CDH10: variants seen among roughly 807,000 people sequenced by gnomAD.
CDH10 encodes cadherin 10.
Under a neutral mutation model 73.1 loss-of-function variants are expected in CDH10, and 30 were observed. That is an observed-to-expected ratio of 0.41 (90% CI 0.31 to 0.56). The LOEUF (loss-of-function observed/expected upper bound fraction) is 0.56. Among genes scored for constraint, CDH10 ranks in the 20% least tolerant of loss-of-function variants. The pLI, the probability that CDH10 is intolerant of heterozygous loss-of-function variation, is 0.27. For missense variants in CDH10, 815 were observed against 973.7 expected, an observed-to-expected ratio of 0.84 and a Z score of 2.17; for synonymous variants, 345 against 348.2, an observed-to-expected ratio of 0.99 and a Z score of 0.10.
At chr5:24,508,210 T>C (rs1385570936) in intron 7 of CDH10, among the ~76,000 whole-genome samples, 4 of 152,174 alleles carry the variant, frequency 2.6e-5, no homozygotes, top group Non-Finnish European at 5.9e-5. Flanking sequence ...AATGGACTAA[T>C]GGATTATAGT....
chr5:24,633,801 A>G (rs1292040742), intron 1 of CDH10, among the ~76,000 whole-genome samples: 1 of 151,882 alleles, frequency 6.6e-6, no homozygotes, highest in Non-Finnish European at 1.5e-5. Flanking sequence ...TCATCTTATA[A>G]CCCTTAATGT....
intron 2 of CDH10, among the ~76,000 whole-genome samples, chr5:24,571,881 T>C (rs1475738434): frequency 1.3e-5 from 2 of 151,662 alleles, no homozygotes; most frequent in East Asian, 3.9e-4. Flanking sequence ...TCCTAAAAAA[T>C]TAACAATAGG....
chr5:24,530,493 A>G (rs537409813), intron 5 of CDH10, among the ~76,000 whole-genome samples: 13 of 152,112 alleles, frequency 8.5e-5, no homozygotes, highest in Admixed American at 7.2e-4. Flanking sequence ...GAAAAGGGGT[A>G]AACAGGACTA....
intron 5 of CDH10, among the ~76,000 whole-genome samples, chr5:24,523,204 C>A (rs1976520): frequency 0.49 from 74,981 of 151,700 alleles, 18,623 homozygotes; most frequent in East Asian, 0.58. Flanking sequence ...AATGTATAAA[C>A]ATATCTCAAC....
At chr5:24,620,919 A>G (rs1747295402) in intron 1 of CDH10, among the ~76,000 whole-genome samples, 1 of 152,216 alleles carries the variant, frequency 6.6e-6, no homozygotes, top group Non-Finnish European at 1.5e-5. Context: ...AGGTTTATGG[A>G]AAACTCTTTT....
chr5:24,533,290 G>A (rs1743815412), intron 5 of CDH10, among the ~76,000 whole-genome samples: 1 of 151,614 alleles, frequency 6.6e-6, no homozygotes, highest in Non-Finnish European at 1.5e-5. Flanking sequence ...TCACACCACT[G>A]CACTCCAGCC....
chr5:24,629,497 A>G (rs1179718455), intron 1 of CDH10, among the ~76,000 whole-genome samples: 3 of 152,006 alleles, frequency 2.0e-5, no homozygotes, highest in Non-Finnish European at 4.4e-5. Context: ...CTCCTCTTAA[A>G]AAGATAATTG....
chr5:24,554,873 G>C (rs533985667), intron 2 of CDH10, among the ~76,000 whole-genome samples: 5 of 151,952 alleles, frequency 3.3e-5, no homozygotes, highest in African/African-American at 1.2e-4. Flanking sequence ...CCAACATTAT[G>C]TCTTTGAAAA....
intron 1 of CDH10, among the ~76,000 whole-genome samples, chr5:24,601,167 T>A (rs1746549638): frequency 1.3e-5 from 2 of 152,116 alleles, no homozygotes; most frequent in African/African-American, 4.8e-5. Flanking sequence ...CTCAGCTGGG[T>A]GCCTACTGGG....
At chr5:24,560,062 T>C (rs1041305026) in intron 2 of CDH10, among the ~76,000 whole-genome samples, 9 of 152,180 alleles carry the variant, frequency 5.9e-5, no homozygotes, top group African/African-American at 2.2e-4. Flanking sequence ...CCTTTAACTT[T>C]TTAATTTAAC....
At chr5:24,531,479 A>T (rs1743747242) in intron 5 of CDH10, among the ~76,000 whole-genome samples, 1 of 152,156 alleles carries the variant, frequency 6.6e-6, no homozygotes, top group Admixed American at 6.6e-5. Context: ...TAATTTATAA[A>T]GGAAAGACGT....
intron 2 of CDH10, among the ~76,000 whole-genome samples, chr5:24,538,449 A>T (rs111476979): frequency 6.6e-5 from 10 of 152,088 alleles, no homozygotes; most frequent in Non-Finnish European, 1.2e-4. Context: ...TAACATAACC[A>T]CACTGAAGCT....
intron 1 of CDH10, among the ~76,000 whole-genome samples, chr5:24,638,943 T>C (rs1747954296): frequency 6.6e-6 from 1 of 151,680 alleles, no homozygotes; most frequent in Non-Finnish European, 1.5e-5. Flanking sequence ...TTTGATCTTA[T>C]TAGCAATAGA....
intron 5 of CDH10, 56 bp downstream of exon 5, chr5:24,535,056 G>C (rs1255428744): frequency 7.1e-6 from 10 of 1,406,682 alleles, no homozygotes; most frequent in Non-Finnish European, 9.6e-6. Context: ...TTCTTTGTCT[G>C]TCTTTTTTTA....
At chr5:24,584,437 T>C (rs1055480883) in intron 2 of CDH10, among the ~76,000 whole-genome samples, 10 of 138,896 alleles carry the variant, frequency 7.2e-5, no homozygotes, top group African/African-American at 2.6e-4. Flanking sequence ...TTCACATCCT[T>C]TCTTTTCCTT....
chr5:24,595,226 A>T (rs1458451276), intron 1 of CDH10, among the ~76,000 whole-genome samples: 2 of 151,840 alleles, frequency 1.3e-5, no homozygotes, highest in African/African-American at 2.4e-5. Context: ...ATTGAGTTTC[A>T]CTTCTCTAAT....
At chr5:24,636,539 T>C (rs1256077569) in intron 1 of CDH10, among the ~76,000 whole-genome samples, 2 of 151,952 alleles carry the variant, frequency 1.3e-5, no homozygotes, top group African/African-American at 4.8e-5. Context: ...GTGGCTTCTA[T>C]GAAGTGCTTA....
At chr5:24,588,830 C>A (rs1166121480) in intron 2 of CDH10, among the ~76,000 whole-genome samples, 1 of 152,048 alleles carries the variant, frequency 6.6e-6, no homozygotes, top group East Asian at 1.9e-4. Context: ...AATACATTCC[C>A]AAGGAATAAA....
At chr5:24,632,689 A>G (rs1747744779) in intron 1 of CDH10, among the ~76,000 whole-genome samples, 1 of 152,106 alleles carries the variant, frequency 6.6e-6, no homozygotes, top group Middle Eastern at 3.4e-3. Flanking sequence ...AACACATAAC[A>G]TAGAGATCAT....
Sources: gnomAD v4.1 joint callset for allele counts (sites outside exome capture counted in the v4.1 genomes callset) on GRCh38, gnomAD v4.1.1 for gene constraint, MANE v1.5 for transcripts, NCBI Gene and HGNC (gene_info 2026-07-23, HGNC 2026-07-21) for gene names.